ZNF362: variants seen among roughly 807,000 people sequenced by gnomAD.
The protein encoded by ZNF362 is rotund homolog.
Under a neutral mutation model 42.9 loss-of-function variants are expected in ZNF362, and 11 were observed. The ratio of observed to expected loss-of-function variants is 0.26; its 90% CI spans 0.16 to 0.42. The LOEUF (loss-of-function observed/expected upper bound fraction) is 0.42. Among genes scored for constraint, ZNF362 ranks in the 20% least tolerant of loss-of-function variants. ZNF362 has a pLI of 1.00. For synonymous variants in ZNF362, 255 were observed against 257.3 expected (o/e 0.99, Z 0.09); for missense variants, 362 against 576.2 (o/e 0.63, Z 3.81).
At chr1:33,275,216 TAG>T in intron 2 of ZNF362, 1 of 985,300 alleles carries the variant, frequency 1.0e-6, no homozygotes. Flanking sequence ...TACTCTAGGG[TAG>T]CAGGAAGACA....
the ZNF362 span, chr1:33,147,322 A>T: frequency 6.2e-7 from 1 of 1,614,106 alleles, no homozygotes; most frequent in Admixed American, 1.7e-5. The surrounding 1 kb of genome is among the most constrained non-coding windows in gnomAD (Gnocchi z 8.1). Context: ...ATTGTAGAAG[A>T]TGAGCAAGCC....
At chr1:33,152,122 CAGAAG>C in the ZNF362 span, among the ~76,000 whole-genome samples, 1 of 152,208 alleles carries the variant, frequency 6.6e-6, no homozygotes, top group Non-Finnish European at 1.5e-5. Flanking sequence ...AGCCATTTTT[CAGAAG>C]AGGAGACTGA....
chr1:33,238,111 G>A, the ZNF362 span, among the ~76,000 whole-genome samples: 6 of 152,134 alleles, frequency 3.9e-5, no homozygotes, highest in East Asian at 1.9e-4. Flanking sequence ...GAGGTCAGGC[G>A]TTCAAGACCA....
At chr1:33,282,207 C>T (rs1187424657) in intron 6 of ZNF362, among the ~76,000 whole-genome samples, 2 of 152,200 alleles carry the variant, frequency 1.3e-5, no homozygotes, top group Non-Finnish European at 2.9e-5. Context: ...CTGTCACGCC[C>T]GTGTCTCTTT....
At chr1:33,295,121 C>T (rs749384024) in intron 7 of ZNF362, 26 bp from the exon 8 acceptor site, 10 of 1,613,308 alleles carry the variant, frequency 6.2e-6, no homozygotes, top group Middle Eastern at 3.3e-4. Flanking sequence ...CTGTTCCTCT[C>T]CTGACCCCCT....
At chr1:33,250,443 A>G in the ZNF362 span, among the ~76,000 whole-genome samples, 1 of 152,374 alleles carries the variant, frequency 6.6e-6, no homozygotes, top group East Asian at 1.9e-4. Context: ...GTATGGACAT[A>G]GATGGAGCTG....
the ZNF362 span, among the ~76,000 whole-genome samples, chr1:33,204,129 C>T: frequency 6.6e-6 from 1 of 151,938 alleles, no homozygotes; most frequent in African/African-American, 2.4e-5. Context: ...GTCCTTTGTC[C>T]ATTTTGAGTT....
At chr1:33,137,582 TAAG>T in the ZNF362 span, among the ~76,000 whole-genome samples, 1 of 152,126 alleles carries the variant, frequency 6.6e-6, no homozygotes, top group African/African-American at 2.4e-5. Flanking sequence ...GTATAATTGG[TAAG>T]AAGACTGAGA....
At chr1:33,145,771 G>A in the ZNF362 span, 2 of 444,238 alleles carry the variant, frequency 4.5e-6, no homozygotes, top group Admixed American at 5.0e-5. Context: ...CCCTAGATGT[G>A]GACTCCACCC....
chr1:33,149,748 C>T, the ZNF362 span, among the ~76,000 whole-genome samples: 1 of 152,224 alleles, frequency 6.6e-6, no homozygotes, highest in African/African-American at 2.4e-5. Context: ...AGCCACTGCA[C>T]CTGGCCTGAA....
the ZNF362 span, chr1:33,195,971 T>C: frequency 5.3e-5 from 8 of 152,252 alleles, no homozygotes; most frequent in Non-Finnish European, 1.0e-4. Flanking sequence ...GCTTAAAACA[T>C]GTACACGTTG....
chr1:33,174,758 TCA>T, the ZNF362 span, among the ~76,000 whole-genome samples: 2 of 152,122 alleles, frequency 1.3e-5, no homozygotes, highest in Non-Finnish European at 2.9e-5. Context: ...AGAGCAAGCC[TCA>T]GTTACAGCAA....
chr1:33,244,299 A>AC, the ZNF362 span, among the ~76,000 whole-genome samples: 1 of 152,042 alleles, frequency 6.6e-6, no homozygotes, highest in African/African-American at 2.4e-5. This position sits in a 1 kb window ranked among gnomAD's most constrained non-coding sequence, Gnocchi z 4.0. Context: ...TAGGGTTTTG[A>AC]CACTTTAAAG....
chr1:33,194,679 T>C, the ZNF362 span: 1 of 152,094 alleles, frequency 6.6e-6, no homozygotes, highest in Admixed American at 6.6e-5. Context: ...AATGGAGATA[T>C]ACTATAATGT....
chr1:33,232,364 A>G, the ZNF362 span, among the ~76,000 whole-genome samples: 5 of 152,138 alleles, frequency 3.3e-5, no homozygotes, highest in South Asian at 2.1e-4. Context: ...TCCTGGGTTC[A>G]AGCGATTCTC....
chr1:33,153,614 T>C, the ZNF362 span, among the ~76,000 whole-genome samples: 1 of 152,170 alleles, frequency 6.6e-6, no homozygotes. Context: ...AACCCTGCAC[T>C]GGGGTGATGG....
At chr1:33,193,843 C>T in the ZNF362 span, among the ~76,000 whole-genome samples, 6 of 152,120 alleles carry the variant, frequency 3.9e-5, no homozygotes, top group East Asian at 7.7e-4. Context: ...AACTAAAAAA[C>T]GGAGGCATAT....
chr1:33,284,603 A>G (rs910908372), intron 6 of ZNF362, among the ~76,000 whole-genome samples: 1 of 152,158 alleles, frequency 6.6e-6, no homozygotes, highest in African/African-American at 2.4e-5. Flanking sequence ...TTAGGTTTTT[A>G]TAGTCCCCCT....
intron 6 of ZNF362, among the ~76,000 whole-genome samples, chr1:33,282,943 C>T (rs905150108): frequency 6.6e-6 from 1 of 152,094 alleles, no homozygotes; most frequent in African/African-American, 2.4e-5. Flanking sequence ...AGATTGCAGT[C>T]CCTCTGTTCA....
Sources: gnomAD v4.1 joint callset for allele counts (sites outside exome capture counted in the v4.1 genomes callset) on GRCh38, gnomAD v4.1.1 for gene constraint, Gnocchi (gnomAD v3.1) non-coding constraint, MANE v1.5 for transcripts, NCBI Gene and HGNC (gene_info 2026-07-23, HGNC 2026-07-21) for gene names.